MARCHF1: variants seen among roughly 807,000 people sequenced by gnomAD.
MARCHF1 encodes E3 ubiquitin-protein ligase MARCHF1.
A neutral mutation model predicts 54.2 loss-of-function variants in MARCHF1; 40 were observed. That is an observed-to-expected ratio of 0.74 (90% CI 0.57 to 0.96). The LOEUF (loss-of-function observed/expected upper bound fraction) is 0.96. Ranked by LOEUF, MARCHF1 falls within the 40% of genes least tolerant of loss-of-function variation. MARCHF1 has a pLI of 0.00. For missense variants in MARCHF1, 586 were observed against 656.5 expected, an observed-to-expected ratio of 0.89 and a Z score of 1.17; for synonymous variants, 236 against 236.3, an observed-to-expected ratio of 1.00 and a Z score of 0.01.
chr4:163,587,549 A>C (rs1157952161), intron 7 of MARCHF1, among the ~76,000 whole-genome samples: 2 of 152,216 alleles, frequency 1.3e-5, no homozygotes, highest in African/African-American at 4.8e-5. Context: ...TCTCACTTAT[A>C]AGTAGGAGCT....
At chr4:163,949,610 G>A (rs916912192) in intron 3 of MARCHF1, among the ~76,000 whole-genome samples, 1 of 152,200 alleles carries the variant, frequency 6.6e-6, no homozygotes, top group Non-Finnish European at 1.5e-5. Flanking sequence ...ATGAAGCGGG[G>A]CTTTACTGAG....
At chr4:163,741,630 A>G (rs922837481) in intron 4 of MARCHF1, among the ~76,000 whole-genome samples, 1 of 152,138 alleles carries the variant, frequency 6.6e-6, no homozygotes, top group African/African-American at 2.4e-5. Context: ...TGTTTAAGCA[A>G]CTGCGTGTTT....
chr4:164,068,778 C>T (rs534772991), intron 2 of MARCHF1, among the ~76,000 whole-genome samples: 1 of 152,208 alleles, frequency 6.6e-6, no homozygotes, highest in African/African-American at 2.4e-5. Context: ...CCACCTGCGG[C>T]CCTGGTGAGG....
chr4:163,742,224 T>C (rs988383192), intron 4 of MARCHF1, among the ~76,000 whole-genome samples: 6 of 152,166 alleles, frequency 3.9e-5, no homozygotes, highest in Non-Finnish European at 7.3e-5. Flanking sequence ...GTGCTCACTT[T>C]CTTCTAATTC....
At chr4:163,643,205 G>C (rs1371983447) in intron 5 of MARCHF1, among the ~76,000 whole-genome samples, 2 of 151,004 alleles carry the variant, frequency 1.3e-5, no homozygotes, top group African/African-American at 2.4e-5. Context: ...GTGCACGTCT[G>C]TAATCCCAGC....
At chr4:164,100,229 A>T (rs1755510926) in intron 2 of MARCHF1, among the ~76,000 whole-genome samples, 1 of 152,106 alleles carries the variant, frequency 6.6e-6, no homozygotes, top group South Asian at 2.1e-4. Flanking sequence ...AAACGTGTAC[A>T]TTTGCATAAA....
At chr4:163,942,181 G>A (rs1010055658) in intron 3 of MARCHF1, among the ~76,000 whole-genome samples, 1 of 152,144 alleles carries the variant, frequency 6.6e-6, no homozygotes, top group Admixed American at 6.5e-5. Context: ...AAGCAGTAAG[G>A]TTTCACATCA....
At chr4:164,120,909 G>A (rs142578593) in intron 1 of MARCHF1, among the ~76,000 whole-genome samples, 25 of 151,966 alleles carry the variant, frequency 1.6e-4, no homozygotes, top group Middle Eastern at 3.4e-3. Flanking sequence ...ATCTAATGAT[G>A]CATTTTGAAT....
chr4:164,340,405 T>TTATATATATA lies in MARCHF1; in HGVS notation c.-323+43464_-323+43465insTATATATATA, dbSNP rs1554002572. ...ACAGCACATGCCACCAGGCCTTGAT[T>TTATATATATA]TATATATAGATATATATATATATAT... On this transcript the variant is annotated intron_variant, in intron 1 of 9. Transcript: ENST00000514618. Among the ~76,000 whole-genome samples, 35 of 95,616 alleles carry TTATATATATA rather than the reference T, an allele frequency of 3.7e-4. 1 individual carries two copies. The highest frequency in any genetic ancestry group is 5.0e-4 in the Non-Finnish European group (23 of 45,930). The allele number at this position is 95,616 out of a possible 152,430, so 62.7% of individuals were successfully genotyped here.
At chr4:163,817,436 T>C (rs781613601) in intron 4 of MARCHF1, among the ~76,000 whole-genome samples, 7 of 140,324 alleles carry the variant, frequency 5.0e-5, no homozygotes, top group Admixed American at 1.5e-4. Context: ...CACACACACA[T>C]ATATGTAGCT....
intron 1 of MARCHF1, among the ~76,000 whole-genome samples, chr4:164,243,927 A>G (rs935592125): frequency 3.9e-5 from 6 of 152,096 alleles, no homozygotes; most frequent in African/African-American, 1.2e-4. Flanking sequence ...ATATATATGC[A>G]CCCAATACAG....
At chr4:164,373,277 T>G (rs1337089958) in intron 1 of MARCHF1, among the ~76,000 whole-genome samples, 8 of 151,504 alleles carry the variant, frequency 5.3e-5, no homozygotes, top group Admixed American at 4.6e-4. Context: ...TTTGAGCTTC[T>G]CCAACTACCA....
chr4:164,251,524 T>C (rs1046999013), intron 1 of MARCHF1, among the ~76,000 whole-genome samples: 3 of 152,204 alleles, frequency 2.0e-5, no homozygotes, highest in Non-Finnish European at 2.9e-5. Context: ...ATGGAAACAA[T>C]GATCCCTTTA....
At chr4:163,546,531 T>C (rs1255036104) in intron 8 of MARCHF1, among the ~76,000 whole-genome samples, 1 of 152,236 alleles carries the variant, frequency 6.6e-6, no homozygotes, top group Non-Finnish European at 1.5e-5. Flanking sequence ...TTTTACATTC[T>C]TGAATGTATA....
intron 2 of MARCHF1, among the ~76,000 whole-genome samples, chr4:164,012,402 G>T (rs1010603781): frequency 2.0e-5 from 3 of 152,104 alleles, no homozygotes; most frequent in African/African-American, 7.2e-5. Flanking sequence ...CAGATTCCAG[G>T]TCTTTGCTCC....
chr4:164,088,881 C>T lies in MARCHF1; in HGVS notation c.-248+22707G>A, dbSNP rs550533488. 5.5e-4 allele frequency among the ~76,000 whole-genome samples: 83 copies of T among 152,226 alleles called. 1 individual carries two copies. In the South Asian group the frequency reaches 0.017, roughly 30 times the overall value. On this transcript the variant is annotated intron_variant, in intron 2 of 9. Transcript: ENST00000514618. ...TATTTTATACAATAGGGATTATTTTCTTTAAATTATATGTAAGAAGAGATA... is the reference window on the plus strand; with the variant it reads ...TATTTTATACAATAGGGATTATTTTTTTTAAATTATATGTAAGAAGAGATA...
chr4:164,274,807 GC>G (rs1246783840), intron 1 of MARCHF1, among the ~76,000 whole-genome samples: 34 of 150,024 alleles, frequency 2.3e-4, no homozygotes, highest in Non-Finnish European at 4.5e-5. Flanking sequence ...CTCCCGAGTA[GC>G]TGGGACTACA....
intron 3 of MARCHF1, among the ~76,000 whole-genome samples, chr4:163,929,850 T>C (rs1751616326): frequency 6.8e-6 from 1 of 146,976 alleles, no homozygotes; most frequent in African/African-American, 2.5e-5. Flanking sequence ...TAATATAATA[T>C]ATTGTTTAAC....
At chr4:163,770,569 C>T (rs1052911349) in intron 4 of MARCHF1, among the ~76,000 whole-genome samples, 3 of 150,426 alleles carry the variant, frequency 2.0e-5, no homozygotes, top group African/African-American at 7.4e-5. Flanking sequence ...CACACAAACA[C>T]ACACACACAT....
Sources: gnomAD v4.1 joint callset for allele counts (sites outside exome capture counted in the v4.1 genomes callset) on GRCh38, gnomAD v4.1.1 for gene constraint, MANE v1.5 for transcripts, NCBI Gene and HGNC (gene_info 2026-07-23, HGNC 2026-07-21) for gene names.